The following VMA12 variants were observed in gnomAD, a reference collection of about 807,000 sequenced individuals.
VMA12 encodes vacuolar ATPase assembly factor VMA12, also known as vacuolar ATPase assembly protein VMA12.
chr17:28,359,405 G>C, the VMA12 span: 1 of 1,613,910 alleles, frequency 6.2e-7, no homozygotes, highest in Non-Finnish European at 8.5e-7. Context: ...CACTTGTCAG[G>C]TAAGGACATG....
chr17:28,361,950 G>C, the VMA12 span: 4 of 152,398 alleles, frequency 2.6e-5, no homozygotes, highest in African/African-American at 9.6e-5. Flanking sequence ...CTGAAGTCTT[G>C]TAATGTTTAA....
chr17:28,358,654 G>A, the VMA12 span, among the ~76,000 whole-genome samples: 2 of 152,200 alleles, frequency 1.3e-5, no homozygotes, highest in Non-Finnish European at 2.9e-5. Context: ...CTAACCCAAA[G>A]GCACAAGTAA....
At chr17:28,357,654 C>T in the VMA12 span, 4 of 1,610,504 alleles carry the variant, frequency 2.5e-6, no homozygotes, top group Admixed American at 3.3e-5. Flanking sequence ...GTCACCTGAC[C>T]GGAGAGCCGG....
chr17:28,357,977 C>T, the VMA12 span: 3 of 1,306,516 alleles, frequency 2.3e-6, no homozygotes, highest in Non-Finnish European at 3.2e-6. Context: ...CTACGGAGCA[C>T]TCATCTAGAC....
chr17:28,359,459 G>A, the VMA12 span: 4 of 1,525,822 alleles, frequency 2.6e-6, no homozygotes, highest in South Asian at 3.4e-5. Context: ...GTAGGGCCCT[G>A]CAGTGGAAGA....
the VMA12 span, chr17:28,358,880 G>T: frequency 6.4e-7 from 1 of 1,571,418 alleles, no homozygotes. Flanking sequence ...ACCTCAGCTC[G>T]TGGATCATTG....
the VMA12 span, chr17:28,358,986 A>T: frequency 6.2e-7 from 1 of 1,611,928 alleles, no homozygotes; most frequent in Non-Finnish European, 8.5e-7. Context: ...TGAAGCCTCC[A>T]CGGGTATGTA....
At chr17:28,361,145 C>T in the VMA12 span, 1 of 1,613,754 alleles carries the variant, frequency 6.2e-7, no homozygotes, top group Admixed American at 1.7e-5. Context: ...GCCTGGTTCT[C>T]CCCATCTCCA....
the VMA12 span, chr17:28,359,165 A>G: frequency 9.9e-7 from 1 of 1,013,152 alleles, no homozygotes; most frequent in Non-Finnish European, 1.4e-6. Context: ...GATCAAAAAA[A>G]AAAAAAACAG....
chr17:28,360,330 A>G, the VMA12 span: 1 of 544,936 alleles, frequency 1.8e-6, no homozygotes, highest in East Asian at 3.2e-5. Context: ...AGGAGAGTAG[A>G]TGGGTACTGG....
chr17:28,362,284 G>A, the VMA12 span: 2 of 152,132 alleles, frequency 1.3e-5, no homozygotes, highest in Middle Eastern at 3.4e-3. Flanking sequence ...CTGTTAGTTG[G>A]GAGAAGTGTC....
chr17:28,357,880 G>C, the VMA12 span: 1 of 1,613,834 alleles, frequency 6.2e-7, no homozygotes, highest in Non-Finnish European at 8.5e-7. Context: ...TGAGAGAAAG[G>C]GGTGAGCCCC....
At chr17:28,358,464 A>G in the VMA12 span, 2 of 472,508 alleles carry the variant, frequency 4.2e-6, no homozygotes, top group Non-Finnish European at 8.8e-6. Flanking sequence ...AAACTAGCAC[A>G]TAAGGTATTT....
chr17:28,360,868 G>C, the VMA12 span: 21 of 1,601,586 alleles, frequency 1.3e-5, no homozygotes, highest in Non-Finnish European at 1.7e-5. Flanking sequence ...ACTGGGCAGG[G>C]CAGGGTGCCC....
chr17:28,358,564 G>A, the VMA12 span: 1 of 484,190 alleles, frequency 2.1e-6, no homozygotes, highest in African/African-American at 2.0e-5. Context: ...AGATTGCCTA[G>A]TATTAGTGTC....
the VMA12 span, chr17:28,361,282 A>G: frequency 6.2e-7 from 1 of 1,608,714 alleles, no homozygotes; most frequent in Non-Finnish European, 8.5e-7. Flanking sequence ...TCTAGAGAAG[A>G]CTTTGGGGGC....
At chr17:28,360,507 A>G in the VMA12 span, 1 of 1,613,470 alleles carries the variant, frequency 6.2e-7, no homozygotes, top group Non-Finnish European at 8.5e-7. Context: ...ATTCTGAATC[A>G]TCTTCTTTTT....
At chr17:28,361,586 C>A in the VMA12 span, 1 of 274,460 alleles carries the variant, frequency 3.6e-6, no homozygotes, top group South Asian at 4.6e-5. Context: ...AAATGGAATC[C>A]AGGCCTTCCC....
the VMA12 span, chr17:28,358,596 A>G: frequency 3.1e-5 from 15 of 484,550 alleles, no homozygotes; most frequent in East Asian, 2.9e-4. Flanking sequence ...TAGCATCACT[A>G]TGACCTAAAC....
Sources: allele counts gnomAD v4.1 joint callset (sites outside exome capture counted in the v4.1 genomes callset), GRCh38; gene constraint gnomAD v4.1.1; transcripts MANE v1.5; gene names NCBI Gene and HGNC (gene_info 2026-07-23, HGNC 2026-07-21).